The following HOOK2 variants were observed in gnomAD, a reference collection of about 807,000 sequenced individuals.
HOOK2 encodes the protein hook microtubule tethering protein 2, also known as protein Hook homolog 2.
Under a neutral mutation model 111.9 loss-of-function variants are expected in HOOK2, and 108 were observed. That is an observed-to-expected ratio of 0.96 (90% confidence interval 0.83 to 1.13). HOOK2 has a LOEUF of 1.13. Ranked by LOEUF, HOOK2 falls within the 50% of genes most tolerant of loss-of-function variation. The pLI, the probability that HOOK2 is intolerant of heterozygous loss-of-function variation, is 0.00. For synonymous variants in HOOK2, 405 were observed against 394.3 expected (o/e 1.03, Z -0.32); for missense variants, 978 against 951.3 (o/e 1.03, Z -0.37).
At position 12,790,863 on chromosome 19, in the gene HOOK2, C is replaced by T. The variant is rs1488936349; in HGVS notation, n.42-16638G>A. Among the ~76,000 whole-genome samples, 1 of 152,110 alleles carries T rather than the reference C, an allele frequency of 6.6e-6. No homozygotes were observed. Among genetic ancestry groups the T allele is most frequent in the Non-Finnish European group, 1.5e-5 (1 of 68,012 alleles). On this transcript the variant is annotated intron_variant and non_coding_transcript_variant, in intron 3 of 3. Coordinates refer to the HOOK2 transcript ENST00000589765. The surrounding 1 kb of genome is among the most constrained non-coding windows in gnomAD (Gnocchi z 7.2). ...CTCAGCTCCCATGAGCTCCTGGACC[C>T]CTACTCATTTCTTGCAATTTAATGG...
chr19:12,779,654 C>T (rs1451662566), upstream of HOOK2, among the ~76,000 whole-genome samples: 2 of 152,172 alleles, frequency 1.3e-5, no homozygotes, highest in African/African-American at 2.4e-5. Context: ...CGGCGCCTGG[C>T]CAAATGTGCT....
At chr19:12,773,223 CTTTGTTTCT>C in intron 3 of HOOK2, 179 bp from the exon 4 acceptor site, 1 of 324,166 alleles carries the variant, frequency 3.1e-6, no homozygotes, top group South Asian at 4.8e-5. Flanking sequence ...GCCTGACCAT[CTTTGTTTCT>C]TTTTTTTTTT....
At position 12,786,949 on chromosome 19, in the gene HOOK2, C is replaced by T. The variant is rs1968663883; in HGVS notation, n.42-12724G>A. Among the ~76,000 whole-genome samples the T allele has an allele frequency of 6.6e-6, 1 of 152,136 alleles. No individual in the cohort carries two copies. The highest frequency in any genetic ancestry group is 6.5e-5 in the Admixed American group (1 of 15,272). On this transcript the variant is annotated intron_variant and non_coding_transcript_variant, in intron 3 of 3. Transcript: ENST00000589765. The surrounding 1 kb of genome is among the most constrained non-coding windows in gnomAD (Gnocchi z 4.3). ...TTGGGAGGCCCAGGTGGGAGGATCCCTTAGGGCCAGGACTTCCAGACCAGC... is the reference window on the plus strand; with the variant it reads ...TTGGGAGGCCCAGGTGGGAGGATCCTTTAGGGCCAGGACTTCCAGACCAGC...
chr19:12,771,921 C>T, intron 7 of HOOK2: 1 of 408,580 alleles, frequency 2.4e-6, no homozygotes, highest in South Asian at 5.1e-5. Flanking sequence ...GAAAAGAAAA[C>T]AGGGCTGGGG....
At chr19:12,770,599 T>C in intron 10 of HOOK2, among the ~76,000 whole-genome samples, 1 of 150,164 alleles carries the variant, frequency 6.7e-6, no homozygotes, top group East Asian at 2.0e-4. Flanking sequence ...AGGGGCATTA[T>C]GAAGCCCAAA....
upstream of HOOK2, among the ~76,000 whole-genome samples, chr19:12,779,642 C>T (rs999122101): frequency 2.6e-5 from 4 of 152,298 alleles, no homozygotes; most frequent in South Asian, 8.3e-4. Flanking sequence ...AGGCGTGAGC[C>T]ACGGCGCCTG....
At chr19:12,773,185 C>A (rs1968387605) in intron 3 of HOOK2, 141 bp from the exon 4 acceptor site, 2 of 723,710 alleles carry the variant, frequency 2.8e-6, no homozygotes, top group Admixed American at 2.3e-5. Flanking sequence ...CTAGGGGTGA[C>A]CTGTCTGGCT....
chr19:12,769,174 C>G (rs187867280), intron 11 of HOOK2, among the ~76,000 whole-genome samples: 1 of 151,942 alleles, frequency 6.6e-6, no homozygotes, highest in Non-Finnish European at 1.5e-5. Flanking sequence ...ACCGTGTTAG[C>G]CAGGATGGTC....
At chr19:12,782,515 C>A (rs977503135), upstream of HOOK2, among the ~76,000 whole-genome samples, 2 of 152,228 alleles carry the variant, frequency 1.3e-5, no homozygotes, top group Non-Finnish European at 2.9e-5. Context: ...CCGGGAGGCG[C>A]CCTCCCCGCG....
rs1302154708 is a variant in HOOK2 at position 12,786,728 on chromosome 19, C to T, written n.42-12503G>A. 2.0e-5 allele frequency among the ~76,000 whole-genome samples: 3 copies of T among 152,186 alleles called. No homozygotes were observed. Among genetic ancestry groups the T allele is most frequent in the African/African-American group, 7.2e-5 (3 of 41,442 alleles). The stretch of plus-strand genomic sequence containing the variant: ...ACCGGCTGTACCAGCTTGGCTGGGC[C>T]CCCGCCCTCCCTGTCTGGCCCAATC... On this transcript the variant is annotated intron_variant and non_coding_transcript_variant, in intron 3 of 3. Transcript: ENST00000589765. This position sits in a 1 kb window ranked among gnomAD's most constrained non-coding sequence, Gnocchi z 4.3.
intron 7 of HOOK2, chr19:12,771,719 T>C (rs1968334512): frequency 1.9e-6 from 1 of 518,112 alleles, no homozygotes; most frequent in Non-Finnish European, 3.5e-6. Flanking sequence ...CCTTCTCTAC[T>C]AAAAACACAA....
At chr19:12,784,014 CA>C (rs943196704) in intron 3 of HOOK2, among the ~76,000 whole-genome samples, 25 of 152,074 alleles carry the variant, frequency 1.6e-4, no homozygotes, top group African/African-American at 6.0e-4. Context: ...AGGGCCCCCC[CA>C]CGCTGCAGCC....
At chr19:12,768,385 G>A (rs1968219679) in intron 11 of HOOK2, among the ~76,000 whole-genome samples, 1 of 151,962 alleles carries the variant, frequency 6.6e-6, no homozygotes, top group Admixed American at 6.6e-5. Context: ...GTGAGCCGTT[G>A]CACCCAGCCG....
At chr19:12,782,649 G>C (rs1486730196), upstream of HOOK2, among the ~76,000 whole-genome samples, 1 of 152,134 alleles carries the variant, frequency 6.6e-6, no homozygotes, top group African/African-American at 2.4e-5. Flanking sequence ...CACTGGCTGC[G>C]TGCGCGCGTG....
At chr19:12,773,192 G>T in intron 3 of HOOK2, 148 bp from the exon 4 acceptor site, 1 of 666,104 alleles carries the variant, frequency 1.5e-6, no homozygotes, top group Non-Finnish European at 2.6e-6. Flanking sequence ...TGACCTGTCT[G>T]GCTGTCTGCC....
At chr19:12,775,297 C>T (rs1968466829) in intron 1 of HOOK2, 108 bp downstream of exon 1, 5 of 1,505,866 alleles carry the variant, frequency 3.3e-6, no homozygotes, top group Non-Finnish European at 4.4e-6. Context: ...AAGTCGACGA[C>T]CCCGCACCTC....
intron 10 of HOOK2, among the ~76,000 whole-genome samples, chr19:12,770,388 C>T (rs924169707): frequency 1.3e-5 from 2 of 151,380 alleles, no homozygotes; most frequent in Non-Finnish European, 2.9e-5. Context: ...CCAAGGATAC[C>T]TTGGAGTCAT....
intron 18 of HOOK2, 185 bp downstream of exon 18, chr19:12,765,505 T>C: frequency 5.3e-6 from 4 of 761,052 alleles, no homozygotes; most frequent in Non-Finnish European, 8.9e-6. Flanking sequence ...CCCAGCACTT[T>C]GGGAGGCCAA....
Position 12,791,578 on chromosome 19 carries a change from G to C in HOOK2, n.42-17353C>G. On this transcript the variant is annotated intron_variant and non_coding_transcript_variant, in intron 3 of 3. Coordinates refer to the HOOK2 transcript ENST00000589765. This position sits in a 1 kb window ranked among gnomAD's most constrained non-coding sequence, Gnocchi z 7.0. Reference sequence around the variant, plus strand: ...CAGGAAAGCTATCGCGCCAGAGAGGGCGACGGGGGCTCGGGAAGCCTGACA... The same window carrying C: ...CAGGAAAGCTATCGCGCCAGAGAGGCCGACGGGGGCTCGGGAAGCCTGACA... 1.9e-6 allele frequency: 1 copy of C among 515,798 alleles called. No homozygotes were observed. The highest frequency in any genetic ancestry group is 2.9e-5 in the South Asian group (1 of 34,418). 32.0% of individuals were successfully genotyped at this position (515,798 alleles called of 1,614,324 possible). A position where few individuals can be genotyped will look rare whatever the true frequency, so the allele number is the denominator to read the frequency against.
Sources: allele counts gnomAD v4.1 joint callset (sites outside exome capture counted in the v4.1 genomes callset), GRCh38; gene constraint gnomAD v4.1.1; non-coding constraint Gnocchi (gnomAD v3.1); transcripts MANE v1.5; gene names NCBI Gene and HGNC (gene_info 2026-07-23, HGNC 2026-07-21).